The following PRKN variants were observed in gnomAD, a reference collection of about 807,000 sequenced individuals.
The protein encoded by PRKN is parkin RBR E3 ubiquitin protein ligase.
Under a neutral mutation model 59.5 loss-of-function variants are expected in PRKN, and 56 were observed. That is an observed-to-expected ratio of 0.94 (90% CI 0.76 to 1.18). PRKN has a LOEUF of 1.18. Ranked by LOEUF, PRKN falls within the 50% of genes most tolerant of loss-of-function variation. The pLI is 0.00. For synonymous variants in PRKN, 250 were observed against 222.1 expected (o/e 1.13, Z -1.12); for missense variants, 657 against 596.4 (o/e 1.10, Z -1.06).
chr6:161,765,399 G>T (rs1352707663), intron 7 of PRKN, among the ~76,000 whole-genome samples: 3 of 152,152 alleles, frequency 2.0e-5, no homozygotes, highest in African/African-American at 7.2e-5. Context: ...TTTACAGCTT[G>T]ATTTATTTTT....
At chr6:162,512,748 C>T (rs1466794276) in intron 1 of PRKN, among the ~76,000 whole-genome samples, 1 of 152,102 alleles carries the variant, frequency 6.6e-6, no homozygotes. Flanking sequence ...TTGCTAATTC[C>T]TAGCTACACT....
intron 6 of PRKN, among the ~76,000 whole-genome samples, chr6:161,939,055 T>C (rs1779456816): frequency 1.3e-5 from 2 of 152,220 alleles, no homozygotes; most frequent in African/African-American, 4.8e-5. Context: ...GGGATTGTTC[T>C]TGATTTTGAA....
Position 162,467,489 on chromosome 6 carries a change from G to GGT in PRKN, c.8-24017_8-24016insAC, listed in dbSNP as rs1791482039. On this transcript the variant is annotated intron_variant, in intron 1 of 11. Transcript: ENST00000366898. Reference sequence around the variant, plus strand: ...GAATAGCTCATGATAAAAATTTAGCGATCGTCATCAGTGTATCCCTTTATC... The same window carrying GGT: ...GAATAGCTCATGATAAAAATTTAGCGGTATCGTCATCAGTGTATCCCTTTATC... 2.6e-5 allele frequency among the ~76,000 whole-genome samples: 4 copies of GGT among 152,030 alleles called. 1 individual carries two copies. The South Asian group carries it at 8.3e-4, about 32-fold the overall frequency.
chr6:162,061,408 T>C (rs376790000), intron 4 of PRKN, among the ~76,000 whole-genome samples: 19 of 152,306 alleles, frequency 1.2e-4, no homozygotes, highest in African/African-American at 4.6e-4. Context: ...TAGTAAAAAC[T>C]GAGCAGTAAG....
At chr6:162,125,679 C>T (rs1348199299) in intron 4 of PRKN, among the ~76,000 whole-genome samples, 2 of 152,282 alleles carry the variant, frequency 1.3e-5, no homozygotes, top group African/African-American at 2.4e-5. Flanking sequence ...TTTCTGGTAA[C>T]GTACCATGGC....
intron 7 of PRKN, among the ~76,000 whole-genome samples, chr6:161,717,659 AGTATTT>A (rs1266166572): frequency 6.6e-6 from 1 of 152,234 alleles, no homozygotes; most frequent in African/African-American, 2.4e-5. Flanking sequence ...AATCAATATT[AGTATTT>A]GTATCAATCA....
At chr6:162,136,279 G>C (rs1399943037) in intron 4 of PRKN, among the ~76,000 whole-genome samples, 2 of 152,016 alleles carry the variant, frequency 1.3e-5, no homozygotes, top group Non-Finnish European at 2.9e-5. Flanking sequence ...TTCCCCTTTA[G>C]TAGGATTCAC....
chr6:161,974,669 C>A (rs1171675225), intron 5 of PRKN, among the ~76,000 whole-genome samples: 12 of 151,444 alleles, frequency 7.9e-5, no homozygotes, highest in Admixed American at 5.3e-4. Flanking sequence ...TTTTTTGCTA[C>A]TGAAAAAAAA....
At position 161,419,819 on chromosome 6, in the gene PRKN, A is replaced by G. The variant is rs1032354069; in HGVS notation, c.1084-32942T>C. The stretch of plus-strand genomic sequence containing the variant: ...TGAGTAGTTCACTTACCATCTCTGA[A>G]TTTCCATTTATTTCACTGTGAAAGG... On this transcript the variant is annotated intron_variant, in intron 9 of 11. Transcript: ENST00000366898. This position sits in a 1 kb window ranked among gnomAD's most constrained non-coding sequence, Gnocchi z 4.1. Among the ~76,000 whole-genome samples, 1 of 152,010 alleles carries G rather than the reference A, an allele frequency of 6.6e-6. No individual in the cohort carries two copies. The highest frequency in any genetic ancestry group is 2.4e-5 in the African/African-American group (1 of 41,342).
intron 4 of PRKN, among the ~76,000 whole-genome samples, chr6:162,116,306 AT>A (rs1391053736): frequency 5.9e-5 from 9 of 152,238 alleles, no homozygotes; most frequent in African/African-American, 1.9e-4. Context: ...CAAGCAATCC[AT>A]TGATCACAAC....
In PRKN at chr6:161,402,509, G is replaced by T. The variant is rs1787094323; in HGVS notation, c.1084-15632C>A. 6.6e-6 allele frequency among the ~76,000 whole-genome samples: 1 copy of T among 152,154 alleles called. No individual in the cohort carries two copies. Among genetic ancestry groups the T allele is most frequent in the African/African-American group, 2.4e-5 (1 of 41,424 alleles). ...AGCTTTTTGGTCCCATAACATGAGAGACATTCTGGAAGCTGTGGGGGAGCA... is the reference window on the plus strand; with the variant it reads ...AGCTTTTTGGTCCCATAACATGAGATACATTCTGGAAGCTGTGGGGGAGCA... On this transcript the variant is annotated intron_variant, in intron 9 of 11. Coordinates refer to ENST00000366898, the MANE Select transcript of PRKN (RefSeq NM_004562.3). The surrounding 1 kb of genome is among the most constrained non-coding windows in gnomAD (Gnocchi z 4.5).
chr6:162,530,366 C>T lies in PRKN; in HGVS notation c.8-86893G>A, dbSNP rs114176324. Among the ~76,000 whole-genome samples, 1,401 of 151,940 alleles carry T rather than the reference C, an allele frequency of 9.2e-3. 18 individuals carry two copies. Among genetic ancestry groups the T allele is most frequent in the African/African-American group, 0.032 (1,320 of 41,328 alleles). ...TTAGGGGCTAGATTTAGAGAACTGC[C>T]GCTTAATGGCTCATAGTCAGAAGTC... On this transcript the variant is annotated intron_variant, in intron 1 of 11. Transcript: ENST00000366898.
chr6:162,615,251 C>A (rs1782354950), intron 1 of PRKN, among the ~76,000 whole-genome samples: 1 of 152,086 alleles, frequency 6.6e-6, no homozygotes, highest in Non-Finnish European at 1.5e-5. Context: ...TGAGTCAGTT[C>A]TATGTTTTGG....
At chr6:161,910,946 G>T (rs1180849008) in intron 6 of PRKN, among the ~76,000 whole-genome samples, 2 of 152,156 alleles carry the variant, frequency 1.3e-5, no homozygotes, top group Non-Finnish European at 2.9e-5. Flanking sequence ...AGAAATAATG[G>T]TAATAACACT....
intron 1 of PRKN, among the ~76,000 whole-genome samples, chr6:162,508,935 T>C (rs1416730806): frequency 6.6e-6 from 1 of 152,114 alleles, no homozygotes; most frequent in East Asian, 1.9e-4. Context: ...CAGAGAAGAC[T>C]TCATAGAGAT....
At chr6:161,727,121 C>T (rs566397869) in intron 7 of PRKN, among the ~76,000 whole-genome samples, 6 of 152,266 alleles carry the variant, frequency 3.9e-5, no homozygotes, top group South Asian at 2.1e-4. Flanking sequence ...CCAAGGGTGG[C>T]GATGGGCTCC....
At chr6:162,088,075 C>A (rs552654723) in intron 4 of PRKN, among the ~76,000 whole-genome samples, 5 of 152,124 alleles carry the variant, frequency 3.3e-5, no homozygotes, top group African/African-American at 1.2e-4. Flanking sequence ...CAATTTCTAA[C>A]CCTGTCCCAC....
chr6:161,853,741 A>G (rs2128222968), intron 6 of PRKN, among the ~76,000 whole-genome samples: 1 of 152,304 alleles, frequency 6.6e-6, no homozygotes. Context: ...AAACATTCAT[A>G]TCACACAATG....
intron 7 of PRKN, among the ~76,000 whole-genome samples, chr6:161,633,545 G>A (rs906959813): frequency 3.9e-5 from 6 of 152,182 alleles, no homozygotes; most frequent in African/African-American, 1.4e-4. Flanking sequence ...AGAATATCAC[G>A]AGGATTTTGT....
Sources: gnomAD v4.1 joint callset for allele counts (sites outside exome capture counted in the v4.1 genomes callset) on GRCh38, gnomAD v4.1.1 for gene constraint, Gnocchi (gnomAD v3.1) non-coding constraint, MANE v1.5 for transcripts, NCBI Gene and HGNC (gene_info 2026-07-23, HGNC 2026-07-21) for gene names.